Variants in FRMD6 observed in about 807,000 individuals in gnomAD.
FRMD6 encodes the protein FERM domain containing 6.
FRMD6 carries 37 observed loss-of-function variants against 73.2 expected under a neutral mutation model. The ratio of observed to expected loss-of-function variants is 0.51; its 90% CI spans 0.39 to 0.66. The LOEUF (loss-of-function observed/expected upper bound fraction) is 0.66. Ranked by LOEUF, FRMD6 falls within the 30% of genes least tolerant of loss-of-function variation. FRMD6 has a pLI of 0.00. For missense variants in FRMD6, 714 were observed against 780.5 expected (o/e 0.91, Z 1.02); for synonymous variants, 273 against 282.2 (o/e 0.97, Z 0.33).
At chr14:51,424,742 G>C in the FRMD6 span, among the ~76,000 whole-genome samples, 1 of 152,314 alleles carries the variant, frequency 6.6e-6, no homozygotes, top group South Asian at 2.1e-4. Context: ...AAAAAAGTTG[G>C]TGTGTATTGT....
Position 51,524,332 on chromosome 14 carries a change from A to G in FRMD6, c.-210+34912A>G, listed in dbSNP as rs1335631046. ...AAAGATCTTAGCATAGTGCCAAAAC[A>G]TAGTAGTCACTCAATAAATATTATG... On this transcript the variant is annotated intron_variant, in intron 1 of 14. Transcript: ENST00000356218. Among the ~76,000 whole-genome samples, 5 of 152,114 alleles carry G rather than the reference A, an allele frequency of 3.3e-5. No individual in the cohort carries two copies. The East Asian group carries it at 9.6e-4, about 29-fold the overall frequency.
chr14:51,648,306 A>T (rs1892170704), upstream of FRMD6, among the ~76,000 whole-genome samples: 1 of 152,164 alleles, frequency 6.6e-6, no homozygotes, highest in Non-Finnish European at 1.5e-5. Flanking sequence ...AATACCACCT[A>T]CCAAAGTTTA....
chr14:51,450,983 T>G, the FRMD6 span, among the ~76,000 whole-genome samples: 1 of 152,208 alleles, frequency 6.6e-6, no homozygotes, highest in Non-Finnish European at 1.5e-5. Flanking sequence ...CTAACCCACC[T>G]GCAGAGTGGG....
intron 1 of FRMD6, among the ~76,000 whole-genome samples, chr14:51,539,739 G>A (rs1886099383): frequency 6.6e-6 from 1 of 152,160 alleles, no homozygotes; most frequent in Non-Finnish European, 1.5e-5. Flanking sequence ...TTGCCTTGTG[G>A]TGGGAAACCC....
the FRMD6 span, among the ~76,000 whole-genome samples, chr14:51,467,892 G>A: frequency 1.4e-4 from 22 of 152,276 alleles, no homozygotes; most frequent in South Asian, 3.5e-3. Context: ...ACGGGATGGC[G>A]GCCGGGTAGA....
rs74524586 is a variant in FRMD6 at position 51,572,855 on chromosome 14, C to T, written c.-147+2445C>T. On this transcript the variant is annotated intron_variant, in intron 2 of 14. Coordinates refer to the FRMD6 transcript ENST00000356218. ...CTTAATGTTGTCTCCTCAAACTAGTCCTTTTGTTCTATTTCAATACATATG... is the reference window on the plus strand; with the variant it reads ...CTTAATGTTGTCTCCTCAAACTAGTTCTTTTGTTCTATTTCAATACATATG... Among the ~76,000 whole-genome samples the T allele has an allele frequency of 3.9e-3, 596 of 152,276 alleles. 10 individuals carry two copies. Among genetic ancestry groups the T allele is most frequent in the East Asian group, 0.03 (155 of 5,180 alleles).
intron 2 of FRMD6, among the ~76,000 whole-genome samples, chr14:51,594,306 T>TTTTA (rs148367741): frequency 0.11 from 15,059 of 142,880 alleles, 871 homozygotes; most frequent in Middle Eastern, 0.15. Context: ...TGTATTTTAT[T>TTTTA]TTTATTTATT....
chr14:51,683,024 T>G (rs1894908034), intron 1 of FRMD6, among the ~76,000 whole-genome samples: 1 of 152,170 alleles, frequency 6.6e-6, no homozygotes, highest in African/African-American at 2.4e-5. Context: ...CAGCACACAT[T>G]TCAACCCATA....
intron 2 of FRMD6, among the ~76,000 whole-genome samples, chr14:51,614,401 A>T (rs1459928082): frequency 6.6e-6 from 1 of 152,160 alleles, no homozygotes; most frequent in Non-Finnish European, 1.5e-5. Flanking sequence ...CTACTCTAAA[A>T]GATAGATTCT....
At chr14:51,517,199 C>A (rs80249285) in intron 1 of FRMD6, among the ~76,000 whole-genome samples, 2,026 of 152,288 alleles carry the variant, frequency 0.013, 38 homozygotes, top group South Asian at 0.074. Context: ...ATACTCCTCC[C>A]TCTAAATTAC....
At chr14:51,557,267 TAC>T (rs1555375399) in intron 1 of FRMD6, among the ~76,000 whole-genome samples, 1 of 132,098 alleles carries the variant, frequency 7.6e-6, no homozygotes, top group African/African-American at 2.8e-5. Context: ...TATATATATA[TAC>T]ACACATACAT....
At chr14:51,498,426 T>C (rs533552515) in intron 1 of FRMD6, among the ~76,000 whole-genome samples, 1 of 152,238 alleles carries the variant, frequency 6.6e-6, no homozygotes, top group South Asian at 2.1e-4. Context: ...ATTTTTGTTT[T>C]CATTGCAGAG....
At chr14:51,578,458 G>A (rs1566480398) in intron 2 of FRMD6, among the ~76,000 whole-genome samples, 2 of 152,190 alleles carry the variant, frequency 1.3e-5, no homozygotes, top group Admixed American at 6.5e-5. Context: ...ATTTTTGTTT[G>A]TGTATTTTCA....
the FRMD6 span, among the ~76,000 whole-genome samples, chr14:51,397,443 G>A: frequency 6.6e-6 from 1 of 152,218 alleles, no homozygotes. Flanking sequence ...TAGAGCTTGA[G>A]ACAAGAGATG....
At chr14:51,560,549 A>T (rs1400387438) in intron 1 of FRMD6, among the ~76,000 whole-genome samples, 2 of 152,136 alleles carry the variant, frequency 1.3e-5, no homozygotes, top group Non-Finnish European at 2.9e-5. Context: ...CAATACCATG[A>T]TCTCAGTTCA....
At chr14:51,602,837 C>T (rs542862817) in intron 2 of FRMD6, among the ~76,000 whole-genome samples, 1 of 152,208 alleles carries the variant, frequency 6.6e-6, no homozygotes, top group African/African-American at 2.4e-5. Flanking sequence ...AGATGTTTAT[C>T]CCAATATTAT....
chr14:51,517,856 G>T (rs1034662597), intron 1 of FRMD6, among the ~76,000 whole-genome samples: 2 of 134,994 alleles, frequency 1.5e-5, no homozygotes, highest in African/African-American at 5.7e-5. Flanking sequence ...CTACTAGGAA[G>T]CTTGAACGGG....
intron 1 of FRMD6, among the ~76,000 whole-genome samples, chr14:51,515,853 G>C (rs1257045144): frequency 6.6e-6 from 1 of 152,120 alleles, no homozygotes; most frequent in Non-Finnish European, 1.5e-5. Flanking sequence ...AGCCAATGAG[G>C]TTTGAATCCA....
chr14:51,725,747 T>C, intron 12 of FRMD6, 32 bp from the exon 13 acceptor site: 1 of 1,422,088 alleles, frequency 7.0e-7, no homozygotes. Context: ...ATTTGAAGTA[T>C]TTATTGTTTT....
Sources: gnomAD v4.1 joint callset for allele counts (sites outside exome capture counted in the v4.1 genomes callset) on GRCh38, gnomAD v4.1.1 for gene constraint, MANE v1.5 for transcripts, NCBI Gene and HGNC (gene_info 2026-07-23, HGNC 2026-07-21) for gene names.